Variants in NFATC3 observed in about 807,000 individuals in gnomAD.
NFATC3 encodes nuclear factor of activated T-cells, cytoplasmic 3.
A neutral mutation model predicts 98.6 loss-of-function variants in NFATC3; 46 were observed. That is an observed-to-expected ratio of 0.47 (90% CI 0.37 to 0.60). The LOEUF is 0.60. Among genes scored for constraint, NFATC3 ranks in the 20% least tolerant of loss-of-function variants. NFATC3 has a pLI of 0.00. For missense variants in NFATC3, 1,256 were observed against 1,295.5 expected (o/e 0.97, Z 0.47); for synonymous variants, 512 against 472.2 (o/e 1.08, Z -1.09).
intron 9 of NFATC3, 157 bp downstream of exon 9, chr16:68,191,932 A>G (rs2040424939): frequency 2.5e-6 from 2 of 802,552 alleles, no homozygotes; most frequent in Non-Finnish European, 3.8e-6. Flanking sequence ...TAACTTTGCC[A>G]GGTACCACGG....
At chr16:68,091,337 T>G (rs1191302886) in intron 1 of NFATC3, among the ~76,000 whole-genome samples, 3 of 152,234 alleles carry the variant, frequency 2.0e-5, no homozygotes, top group Non-Finnish European at 4.4e-5. Context: ...TGACTTGCCT[T>G]TCTTTGGCAA....
intron 9 of NFATC3, among the ~76,000 whole-genome samples, chr16:68,223,126 C>A (rs2041926077): frequency 6.6e-6 from 1 of 152,196 alleles, no homozygotes; most frequent in South Asian, 2.1e-4. Context: ...TACAAAGAAA[C>A]TATTCCAGTG....
chr16:68,091,757 A>G (rs1280013781), intron 1 of NFATC3, among the ~76,000 whole-genome samples: 1 of 152,226 alleles, frequency 6.6e-6, no homozygotes, highest in East Asian at 1.9e-4. Flanking sequence ...TAACATAAAT[A>G]AGGAAGGTGT....
At chr16:68,163,355 C>G (rs567572550) in intron 4 of NFATC3, among the ~76,000 whole-genome samples, 2 of 149,958 alleles carry the variant, frequency 1.3e-5, no homozygotes, top group African/African-American at 4.9e-5. Flanking sequence ...GGGCGGCTGG[C>G]TGGGCTGGGG....
intron 3 of NFATC3, among the ~76,000 whole-genome samples, chr16:68,128,136 A>G (rs1341298962): frequency 6.6e-6 from 1 of 152,002 alleles, no homozygotes; most frequent in Non-Finnish European, 1.5e-5. Flanking sequence ...AACTGTGTAG[A>G]TATTTTTCTC....
At chr16:68,178,915 C>T (rs2039832941) in intron 6 of NFATC3, among the ~76,000 whole-genome samples, 1 of 152,164 alleles carries the variant, frequency 6.6e-6, no homozygotes, top group African/African-American at 2.4e-5. Context: ...ATTTTAAAAG[C>T]ACCTTCAGTG....
intron 1 of NFATC3, among the ~76,000 whole-genome samples, chr16:68,105,741 A>G (rs1440888665): frequency 6.6e-6 from 1 of 152,186 alleles, no homozygotes; most frequent in Non-Finnish European, 1.5e-5. Flanking sequence ...AATTTTGACT[A>G]TGATTCAATC....
intron 8 of NFATC3, among the ~76,000 whole-genome samples, chr16:68,188,510 C>T (rs1460270485): frequency 6.6e-6 from 1 of 152,192 alleles, no homozygotes; most frequent in Non-Finnish European, 1.5e-5. Context: ...GGCTGCACCT[C>T]GCCCACTGCA....
chr16:68,217,686 A>G, intron 9 of NFATC3: 3 of 1,231,500 alleles, frequency 2.4e-6, no homozygotes, highest in East Asian at 3.2e-5. Flanking sequence ...ATTCCTTTCA[A>G]TTTGTTGTTC....
At chr16:68,202,766 C>A (rs7197359) in intron 9 of NFATC3, among the ~76,000 whole-genome samples, 17 of 151,776 alleles carry the variant, frequency 1.1e-4, no homozygotes, top group African/African-American at 4.1e-4. Flanking sequence ...GAGCCGAGAT[C>A]GTGCCATTGC....
chr16:68,085,708 C>T lies in NFATC3; in HGVS notation c.27C>T (p.His9=). 1 of 1,515,056 alleles carries T rather than the reference C, an allele frequency of 6.6e-7. No individual in the cohort carries two copies. Among genetic ancestry groups the T allele is most frequent in the East Asian group, 2.8e-5 (1 of 36,062 alleles). The allele number at this position is 1,515,056 out of a possible 1,614,324, so 93.9% of individuals were successfully genotyped here. Residue 9 remains histidine (H), a synonymous_variant, in exon 1 of 10, where the codon CAC becomes CAT. Coordinates refer to ENST00000346183, the MANE Select transcript of NFATC3 (RefSeq NM_173165.3). MTTANCGA[H]DELDFKLVFG... ...TGACTACTGCAAACTGTGGCGCCCACGACGAGCTCGACTTCAAACTCGTCT... is the reference window on the plus strand; with the variant it reads ...TGACTACTGCAAACTGTGGCGCCCATGACGAGCTCGACTTCAAACTCGTCT...
At chr16:68,201,957 CAAAAAAAAAAAAAA>C (rs778770193) in intron 9 of NFATC3, among the ~76,000 whole-genome samples, 4 of 23,638 alleles carry the variant, frequency 1.7e-4, no homozygotes, top group Admixed American at 5.5e-4. Flanking sequence ...GACTCCATCT[CAAAAAAAAAAAAAA>C]AAAAAAAAAA....
At chr16:68,087,729 C>CT (rs2034467290) in intron 1 of NFATC3, among the ~76,000 whole-genome samples, 1 of 152,146 alleles carries the variant, frequency 6.6e-6, no homozygotes, top group Non-Finnish European at 1.5e-5. Flanking sequence ...CTCCCAACCC[C>CT]TAGTAGCCAC....
At chr16:68,201,795 G>GA (rs2040926567) in intron 9 of NFATC3, among the ~76,000 whole-genome samples, 1 of 141,202 alleles carries the variant, frequency 7.1e-6, no homozygotes, top group African/African-American at 2.5e-5. Flanking sequence ...TACCAAAAAG[G>GA]AAAAAAAGAA....
chr16:68,167,605 G>T (rs116650075), intron 5 of NFATC3, among the ~76,000 whole-genome samples: 2 of 152,106 alleles, frequency 1.3e-5, no homozygotes, highest in African/African-American at 4.8e-5. Context: ...TTGAAATATT[G>T]AGACTAATAC....
chr16:68,126,405 A>G, intron 2 of NFATC3, 43 bp from the exon 3 acceptor site: 1 of 1,570,356 alleles, frequency 6.4e-7, no homozygotes, highest in Middle Eastern at 1.8e-4. Flanking sequence ...TTGCTTGGCA[A>G]TAATAGCATG....
intron 2 of NFATC3, among the ~76,000 whole-genome samples, chr16:68,123,357 AT>A (rs765327712): frequency 4.6e-5 from 7 of 152,126 alleles, no homozygotes; most frequent in Non-Finnish European, 1.0e-4. Flanking sequence ...GTTGATAATA[AT>A]AAATTACATT....
chr16:68,166,708 A>C, intron 4 of NFATC3, 135 bp from the exon 5 acceptor site: 4 of 658,378 alleles, frequency 6.1e-6, no homozygotes, highest in Non-Finnish European at 9.9e-6. Flanking sequence ...AGTGAATAGC[A>C]ATCATACATA....
intron 9 of NFATC3, among the ~76,000 whole-genome samples, chr16:68,196,584 T>C (rs1196113632): frequency 6.6e-6 from 1 of 152,094 alleles, no homozygotes; most frequent in African/African-American, 2.4e-5. Flanking sequence ...TCCCAGCTAT[T>C]CTGGAGGCTG....
Sources: allele counts gnomAD v4.1 joint callset (sites outside exome capture counted in the v4.1 genomes callset), GRCh38; gene constraint gnomAD v4.1.1; transcripts MANE v1.5; gene names NCBI Gene and HGNC (gene_info 2026-07-23, HGNC 2026-07-21).